The following ZNF385B variants were observed in gnomAD, a reference collection of about 807,000 sequenced individuals.
ZNF385B encodes the protein zinc finger protein 533.
ZNF385B carries 23 observed loss-of-function variants against 39.2 expected under a neutral mutation model. The ratio of observed to expected loss-of-function variants is 0.59; its 90% confidence interval spans 0.42 to 0.83. The LOEUF (loss-of-function observed/expected upper bound fraction) is 0.83. ZNF385B is among the 40% of genes least tolerant of loss of function. The probability of loss-of-function intolerance (pLI) is 0.00; values close to 1 mark genes in which losing one functional copy is unlikely to be tolerated. For synonymous variants in ZNF385B, 205 were observed against 222.6 expected (o/e 0.92, Z 0.70); for missense variants, 552 against 598.9 (o/e 0.92, Z 0.82).
chr2:179,576,085 T>C, intron 3 of ZNF385B: 1 of 970,000 alleles, frequency 1.0e-6, no homozygotes, highest in Non-Finnish European at 1.2e-6. Context: ...TCTCCTTTTC[T>C]TCCCACAGGC....
chr2:179,852,873 A>G (rs1684288613), intron 1 of ZNF385B, among the ~76,000 whole-genome samples: 1 of 152,172 alleles, frequency 6.6e-6, no homozygotes, highest in Non-Finnish European at 1.5e-5. Context: ...AAGTCCAATA[A>G]TGACTACACT....
chr2:179,716,682 TG>T (rs1265050420), intron 3 of ZNF385B, among the ~76,000 whole-genome samples: 2 of 152,188 alleles, frequency 1.3e-5, no homozygotes, highest in Admixed American at 6.5e-5. Context: ...ACCAACAGAA[TG>T]TGGTAAAAGT....
rs61747266 is a variant in ZNF385B at position 179,769,705 on chromosome 2, G to T, written c.96C>A (p.Asn32Lys). 5 of 1,614,118 alleles carry T rather than the reference G, an allele frequency of 3.1e-6. No homozygotes were observed. The highest frequency in any genetic ancestry group is 8.5e-7 in the Non-Finnish European group (1 of 1,180,018). ...LRGFEEKGIKNDRPEDQLSKE... is the reference protein window; with the variant it reads ...LRGFEEKGIKKDRPEDQLSKE... Reference sequence around the variant, plus strand: ...TGCTCAACTGGTCCTCAGGCCTGTCGTTCTTTATCCCCTTTTCTTCAAAGC... The same window carrying T: ...TGCTCAACTGGTCCTCAGGCCTGTCTTTCTTTATCCCCTTTTCTTCAAAGC... Residue 32 changes from asparagine (N) to lysine (K), a missense_variant, in exon 3 of 10, where the codon AAC becomes AAA. Coordinates refer to ENST00000410066, the MANE Select transcript of ZNF385B (RefSeq NM_152520.6).
chr2:179,733,468 A>C (rs1354493379), intron 3 of ZNF385B, among the ~76,000 whole-genome samples: 2 of 152,220 alleles, frequency 1.3e-5, no homozygotes, highest in Non-Finnish European at 1.5e-5. Flanking sequence ...TTATTCTCAA[A>C]GTGAGCCATG....
chr2:179,795,453 A>G (rs1705600366), intron 1 of ZNF385B, among the ~76,000 whole-genome samples: 1 of 152,186 alleles, frequency 6.6e-6, no homozygotes, highest in African/African-American at 2.4e-5. Flanking sequence ...TGTCAGTGCT[A>G]TCTGCAACAT....
intron 3 of ZNF385B, among the ~76,000 whole-genome samples, chr2:179,755,606 G>C (rs1408597599): frequency 6.6e-6 from 1 of 152,114 alleles, no homozygotes; most frequent in Admixed American, 6.6e-5. Flanking sequence ...CTTTATGAAT[G>C]TGGGTGCTCC....
intron 1 of ZNF385B, among the ~76,000 whole-genome samples, chr2:179,843,714 T>C (rs1237370277): frequency 6.6e-6 from 1 of 152,216 alleles, no homozygotes; most frequent in Non-Finnish European, 1.5e-5. Flanking sequence ...ATCACCTCCT[T>C]TTCTGTCCCA....
chr2:179,604,227 G>T (rs576300716), intron 3 of ZNF385B, among the ~76,000 whole-genome samples: 126 of 152,148 alleles, frequency 8.3e-4, no homozygotes, highest in Non-Finnish European at 1.4e-3. Flanking sequence ...AAGCAAGGTT[G>T]CAGAGACTCT....
intron 4 of ZNF385B, chr2:179,536,234 AT>A (rs1386237842): frequency 2.0e-5 from 3 of 152,046 alleles, no homozygotes; most frequent in Admixed American, 2.0e-4. Flanking sequence ...TTATCTGTAG[AT>A]TTGTTAAGAA....
intron 3 of ZNF385B, among the ~76,000 whole-genome samples, chr2:179,640,657 CA>C (rs1692185611): frequency 6.6e-6 from 1 of 151,898 alleles, no homozygotes; most frequent in Admixed American, 6.6e-5. Flanking sequence ...TGATGATCAG[CA>C]AATTGCTAAG....
intron 4 of ZNF385B, among the ~76,000 whole-genome samples, chr2:179,532,257 T>C (rs1280815422): frequency 6.6e-6 from 1 of 152,248 alleles, no homozygotes; most frequent in Non-Finnish European, 1.5e-5. Context: ...ACCAAATTTA[T>C]TTCAAATATA....
intron 3 of ZNF385B, among the ~76,000 whole-genome samples, chr2:179,729,008 G>A (rs12617221): frequency 0.14 from 20,853 of 151,252 alleles, 1,987 homozygotes; most frequent in East Asian, 0.52. Context: ...CAAATAATAG[G>A]CCAAATTCTA....
At chr2:179,547,910 T>G (rs2060334650) in intron 3 of ZNF385B, among the ~76,000 whole-genome samples, 1 of 149,796 alleles carries the variant, frequency 6.7e-6, no homozygotes, top group African/African-American at 2.5e-5. Flanking sequence ...CATCAATGTT[T>G]CATAGTTTTC....
rs149789965 is a variant in ZNF385B, at chr2:179,632,240, G to T, written c.299-87271C>A. On this transcript the variant is annotated intron_variant, in intron 3 of 9. Coordinates refer to ENST00000410066, the MANE Select transcript of ZNF385B (RefSeq NM_152520.6). ...CAGAACTCTCCACCTCAAATCAACAGAATATACATTCTTCTCAGCACCACA... is the reference window on the plus strand; with the variant it reads ...CAGAACTCTCCACCTCAAATCAACATAATATACATTCTTCTCAGCACCACA... Among the ~76,000 whole-genome samples the T allele has an allele frequency of 6.5e-3, 995 of 152,252 alleles. 26 individuals carry two copies. Among genetic ancestry groups the T allele is most frequent in the East Asian group, 0.046 (239 of 5,178 alleles).
At chr2:179,589,228 AATC>A (rs1165337953) in intron 3 of ZNF385B, among the ~76,000 whole-genome samples, 1 of 152,166 alleles carries the variant, frequency 6.6e-6, no homozygotes, top group East Asian at 1.9e-4. Context: ...AGGGAATAAA[AATC>A]ATCATTACTC....
chr2:179,764,526 C>T (rs1703579900), intron 3 of ZNF385B, among the ~76,000 whole-genome samples: 1 of 151,970 alleles, frequency 6.6e-6, no homozygotes, highest in African/African-American at 2.4e-5. Flanking sequence ...CTGTTTCTCT[C>T]TTCTTTCTGT....
chr2:179,635,280 G>A (rs1360986486), intron 3 of ZNF385B, among the ~76,000 whole-genome samples: 1 of 150,388 alleles, frequency 6.6e-6, no homozygotes, highest in African/African-American at 2.4e-5. Context: ...AAACTGTCAT[G>A]AGCACAGAAA....
intron 3 of ZNF385B, among the ~76,000 whole-genome samples, chr2:179,765,089 G>A (rs1224508845): frequency 6.6e-6 from 1 of 152,046 alleles, no homozygotes; most frequent in Non-Finnish European, 1.5e-5. Flanking sequence ...AAAATTGGAG[G>A]CCTCCATAAT....
intron 3 of ZNF385B, among the ~76,000 whole-genome samples, chr2:179,571,810 C>T (rs1043166670): frequency 6.6e-6 from 1 of 152,008 alleles, no homozygotes; most frequent in African/African-American, 2.4e-5. Context: ...CTCTTAGACA[C>T]AACCCTCCTC....
Sources: allele counts gnomAD v4.1 joint callset (sites outside exome capture counted in the v4.1 genomes callset), GRCh38; gene constraint gnomAD v4.1.1; transcripts MANE v1.5; gene names NCBI Gene and HGNC (gene_info 2026-07-23, HGNC 2026-07-21).